SPINT1: variants seen among roughly 807,000 people sequenced by gnomAD.
The protein encoded by SPINT1 is kunitz-type protease inhibitor 1.
In SPINT1, 38 loss-of-function variants were observed where a neutral mutation model predicts 53.7. The ratio of observed to expected loss-of-function variants is 0.71; its 90% confidence interval spans 0.55 to 0.93. The LOEUF (loss-of-function observed/expected upper bound fraction) is 0.93. Among genes scored for constraint, SPINT1 ranks in the 40% least tolerant of loss-of-function variants. The pLI is 0.00. For missense variants in SPINT1, 645 were observed against 692.9 expected (o/e 0.93, Z 0.78); for synonymous variants, 283 against 280.6 (o/e 1.01, Z -0.08).
rs1404050982 is a variant in SPINT1, at chr15:40,853,524, C to T, written c.639C>T (p.Leu213=). ...KDPNQVELWG[L]KEGTYLFQLT... is the part of the protein sequence containing the mutation. Reference sequence around the variant, plus strand: ...CAAACCAGGTGGAACTGTGGGGACTCAAGGAAGGCACCTACCTGTTCCAGC... The same window carrying T: ...CAAACCAGGTGGAACTGTGGGGACTTAAGGAAGGCACCTACCTGTTCCAGC... Residue 213 remains leucine (L), a synonymous_variant, in exon 4 of 11, where the codon CTC becomes CTT. Transcript: ENST00000562057. 3 of 1,614,122 alleles carry T rather than the reference C, an allele frequency of 1.9e-6. No homozygotes were observed. Among genetic ancestry groups the T allele is most frequent in the South Asian group, 2.2e-5 (2 of 91,080 alleles).
intron 2 of SPINT1, among the ~76,000 whole-genome samples, chr15:40,851,662 C>T (rs1037416673): frequency 6.6e-6 from 1 of 152,194 alleles, no homozygotes; most frequent in African/African-American, 2.4e-5. Context: ...CTGGACTAAT[C>T]CTCTGAAGGG....
At position 40,853,133 on chromosome 15, in the gene SPINT1, TC is replaced by T. The variant is rs774073564; in HGVS notation, c.489del (p.Lys164ArgfsTer6). 1.2e-5 allele frequency: 20 copies of T among 1,613,668 alleles called. No individual in the cohort carries two copies. The highest frequency in any genetic ancestry group is 5.0e-5 in the Admixed American group (3 of 59,928). On this transcript the variant is annotated frameshift_variant, in exon 3 of 11. Transcript: ENST00000562057. LOFTEE classifies it high-confidence loss of function. Reference sequence around the variant, plus strand: ...TTTCTCTCCCCGCCAGGGTCTGGGATCCCCAAGGCCTGGGCAGGCATAGACT... The same window carrying T: ...TTTCTCTCCCCGCCAGGGTCTGGGATCCCAAGGCCTGGGCAGGCATAGACT... ...LRTQGFGGSG[I>X]PKAWAGIDLK...
In SPINT1 at chr15:40,857,596, C is replaced by G. The variant is rs1041134235; in HGVS notation, c.*621C>G. 2.0e-5 allele frequency: 3 copies of G among 152,340 alleles called. No individual in the cohort carries two copies. The highest frequency in any genetic ancestry group is 2.9e-5 in the Non-Finnish European group (2 of 68,176). 9.4% of individuals were successfully genotyped at this position (152,340 alleles called of 1,614,324 possible). A position where few individuals can be genotyped will look rare whatever the true frequency, so the allele number is the denominator to read the frequency against. ...CAGCTGCATTCCGCAGCCCCCACCC[C>G]CAAGGTTCTCCAACATCACAGCCCA... On this transcript the variant is annotated 3_prime_UTR_variant, in exon 11 of 11. Transcript: ENST00000562057.
intron 2 of SPINT1, among the ~76,000 whole-genome samples, chr15:40,852,380 G>A (rs1891483573): frequency 6.6e-6 from 1 of 152,126 alleles, no homozygotes; most frequent in South Asian, 2.1e-4. Context: ...CACGTTTATG[G>A]GTTCCAGGGG....
rs770430430 is a variant in SPINT1, at chr15:40,854,473, C to T, written c.1017C>T (p.Asp339=). 13 of 1,613,342 alleles carry T rather than the reference C, an allele frequency of 8.1e-6. No homozygotes were observed. Among genetic ancestry groups the T allele is most frequent in the Middle Eastern group, 1.6e-4 (1 of 6,082 alleles). ...GCCIDSFLEC[D]DTPNCPDASD... The stretch of plus-strand genomic sequence containing the variant: ...GCATCGACAGTTTCCTGGAGTGTGA[C>T]GACACCCCCAACTGCCCCGACGCCT... The change falls in exon 7 of 11, where the codon GAC becomes GAT. Residue 339 remains aspartate, a synonymous_variant. Transcript: ENST00000562057.
rs1010398691 is a variant in SPINT1 at position 40,856,072 on chromosome 15, CCAGTGAGAGGGT to C, written c.1288+11_1288+22del. On this transcript the variant is annotated intron_variant, in intron 9 of 10. Transcript: ENST00000562057. Reference sequence around the variant, plus strand: ...TGTCGCGGCATCTCCAGTGAGTGGGCCAGTGAGAGGGTGGGCATGTATGGGGGAAGGCTTAGC... The same window carrying C: ...TGTCGCGGCATCTCCAGTGAGTGGGCGGGCATGTATGGGGGAAGGCTTAGC... 7.4e-6 allele frequency: 12 copies of C among 1,613,226 alleles called. No homozygotes were observed. The highest frequency in any genetic ancestry group is 9.3e-6 in the Non-Finnish European group (11 of 1,179,642).
Position 40,857,052 on chromosome 15 carries a change from G to C in SPINT1, c.*77G>C. 2 of 1,557,200 alleles carry C rather than the reference G, an allele frequency of 1.3e-6. No homozygotes were observed. On this transcript the variant is annotated 3_prime_UTR_variant, in exon 11 of 11. Coordinates refer to ENST00000562057, the MANE Select transcript of SPINT1 (RefSeq NM_003710.4). ...GAGGCCTGGGCTGGGAAAAACTTTG[G>C]AACCAGACTCTTGCCTGTTTCCCAG...
chr15:40,844,598 C>T lies in SPINT1; in HGVS notation c.44C>T (p.Ala15Val), dbSNP rs775539622. 29 of 1,609,832 alleles carry T rather than the reference C, an allele frequency of 1.8e-5. No individual in the cohort carries two copies. The highest frequency in any genetic ancestry group is 5.5e-5 in the South Asian group (5 of 90,936). ...ATGGCCCGCGCCCGCCTCGCCCCGG[C>T]CGGCATCCCTGCCGTCGCCTTGTGG... ...RTMARARLAP[A>V]GIPAVALWLL... The change falls in exon 2 of 11, where the codon GCC becomes GTC. Residue 15 changes from alanine to valine, a missense_variant. Transcript: ENST00000562057. This position sits in a 1 kb window ranked among gnomAD's most constrained non-coding sequence, Gnocchi z 5.8.
At chr15:40,853,029 G>C in intron 2 of SPINT1, 95 bp from the exon 3 acceptor site, 2 of 1,522,256 alleles carry the variant, frequency 1.3e-6, no homozygotes. Context: ...TTTGGTCTAG[G>C]TGGGGCCCAT....
chr15:40,856,619 T>G, intron 10 of SPINT1, 151 bp from the exon 11 acceptor site: 2 of 1,436,480 alleles, frequency 1.4e-6, no homozygotes, highest in Non-Finnish European at 9.3e-7. Context: ...GACAGAGCTG[T>G]TCAGCTGTTC....
In SPINT1 at chr15:40,844,761, C is replaced by T. The variant is rs754984432; in HGVS notation, c.207C>T (p.Val69=). 1.9e-6 allele frequency: 3 copies of T among 1,611,592 alleles called. No individual in the cohort carries two copies. The highest frequency in any genetic ancestry group is 1.7e-5 in the Admixed American group (1 of 59,828). Residue 69 remains valine (V), a synonymous_variant, in exon 2 of 11, where the codon GTC becomes GTT. Transcript: ENST00000562057. This position sits in a 1 kb window ranked among gnomAD's most constrained non-coding sequence, Gnocchi z 5.8. ...TCGTGCTGGACACCAACGCCTCGGT[C>T]AGCAACGGAGCTACCTTCCTGGAGT... ...PGFVLDTNAS[V]SNGATFLESP...
Position 40,844,654 on chromosome 15 carries a change from C to G in SPINT1, c.100C>G (p.Gln34Glu). Reference sequence around the variant, plus strand: ...GTGCACGCTCGGCCTCCAGGGCACCCAGGCCGGGCCACCGCCCGCGCCCCC... The same window carrying G: ...GTGCACGCTCGGCCTCCAGGGCACCGAGGCCGGGCCACCGCCCGCGCCCCC... ...LLCTLGLQGT[Q>E]AGPPPAPPGL... Residue 34 changes from glutamine (Q) to glutamate (E), a missense_variant, in exon 2 of 11, where the codon CAG becomes GAG. Transcript: ENST00000562057. The surrounding 1 kb of genome is among the most constrained non-coding windows in gnomAD (Gnocchi z 5.8). 1 of 1,604,624 alleles carries G rather than the reference C, an allele frequency of 6.2e-7. No individual in the cohort carries two copies. Among genetic ancestry groups the G allele is most frequent in the South Asian group, 1.1e-5 (1 of 90,472 alleles).
chr15:40,851,278 T>C (rs1458484854), intron 2 of SPINT1, among the ~76,000 whole-genome samples: 2 of 151,976 alleles, frequency 1.3e-5, no homozygotes, highest in Non-Finnish European at 2.9e-5. Context: ...CTCAGCCTCC[T>C]GAGTAGCTGG....
intron 8 of SPINT1, 38 bp downstream of exon 8, chr15:40,854,727 G>A (rs369960455): frequency 5.0e-5 from 80 of 1,610,518 alleles, no homozygotes; most frequent in African/African-American, 9.3e-5. Context: ...CAGGGCAGAC[G>A]CTGACACTGC....
At chr15:40,846,232 C>A (rs1891291891) in intron 2 of SPINT1, among the ~76,000 whole-genome samples, 1 of 152,186 alleles carries the variant, frequency 6.6e-6, no homozygotes, top group African/African-American at 2.4e-5. Context: ...CCGGACTGAA[C>A]TGTCTGCTGG....
In SPINT1 at chr15:40,856,916, G is replaced by A. The variant is rs139238995; in HGVS notation, c.1483G>A (p.Val495Ile). 777 of 1,614,056 alleles carry A rather than the reference G, an allele frequency of 4.8e-4. 1 individual carries two copies. The highest frequency in any genetic ancestry group is 6.2e-4 in the Non-Finnish European group (732 of 1,180,040). ...HPPPTPASSTVSTTEDTEHLV... is the reference protein window; with the variant it reads ...HPPPTPASSTISTTEDTEHLV... ...ACCACCCACCCCTGCCAGCTCCACT[G>A]TCTCCACTACCGAGGACACGGAGCA... The change falls in exon 11 of 11, where the codon GTC (valine) becomes ATC (isoleucine). Residue 495 changes from valine (V) to isoleucine (I), a missense_variant. Transcript: ENST00000562057.
At position 40,844,692 on chromosome 15, in the gene SPINT1, G is replaced by A. The variant is rs201791058; in HGVS notation, c.138G>A (p.Ala46=). The A allele has an allele frequency of 1.8e-4, 296 of 1,607,406 alleles. No homozygotes were observed. Among genetic ancestry groups the A allele is most frequent in the Middle Eastern group, 5.0e-4 (3 of 6,028 alleles). ...CGCCCGCGCCCCCTGGGCTGCCCGC[G>A]GGAGCCGACTGCCTGAACAGCTTTA... is the stretch of plus-strand genomic sequence containing the variant. ...GPPPAPPGLP[A]GADCLNSFTA... Residue 46 remains alanine (A), a synonymous_variant, in exon 2 of 11, where the codon GCG becomes GCA. Coordinates refer to ENST00000562057, the MANE Select transcript of SPINT1 (RefSeq NM_003710.4). The surrounding 1 kb of genome is among the most constrained non-coding windows in gnomAD (Gnocchi z 5.8).
intron 2 of SPINT1, 84 bp from the exon 3 acceptor site, chr15:40,853,040 A>G (rs1273765967): frequency 6.5e-7 from 1 of 1,543,360 alleles, no homozygotes; most frequent in Non-Finnish European, 8.7e-7. Flanking sequence ...TGGGGCCCAT[A>G]CTTTCACCAC....
Position 40,844,474 on chromosome 15 carries a change from C to T in SPINT1, c.-65-16C>T, listed in dbSNP as rs1891210040. On this transcript the variant is annotated splice_polypyrimidine_tract_variant and intron_variant, in intron 1 of 10. Transcript: ENST00000562057. This position sits in a 1 kb window ranked among gnomAD's most constrained non-coding sequence, Gnocchi z 5.8. ...ATCAGGTGTGTCTCCTCCTCTGTCC[C>T]CTCCCTTCTTCTCAGGTCACCAGCA... 7.2e-7 allele frequency: 1 copy of T among 1,388,544 alleles called. No individual in the cohort carries two copies. Among genetic ancestry groups the T allele is most frequent in the Admixed American group, 1.7e-5 (1 of 59,464 alleles). 86.0% of individuals were successfully genotyped at this position (1,388,544 alleles called of 1,614,324 possible).
Sources: allele counts gnomAD v4.1 joint callset (sites outside exome capture counted in the v4.1 genomes callset), GRCh38; gene constraint gnomAD v4.1.1; non-coding constraint Gnocchi (gnomAD v3.1); transcripts MANE v1.5; gene names NCBI Gene and HGNC (gene_info 2026-07-23, HGNC 2026-07-21).